The following DNAJC1 variants were observed in gnomAD, a reference collection of about 807,000 sequenced individuals.
DNAJC1 encodes dnaJ homolog subfamily C member 1.
Under a neutral mutation model 76.6 loss-of-function variants are expected in DNAJC1, and 58 were observed. The ratio of observed to expected loss-of-function variants is 0.76; its 90% CI spans 0.61 to 0.94. The LOEUF (loss-of-function observed/expected upper bound fraction) is 0.94, where lower values mean the gene tolerates loss of function less well. Among genes scored for constraint, DNAJC1 ranks in the 40% least tolerant of loss-of-function variants. DNAJC1 has a pLI of 0.00. For synonymous variants in DNAJC1, 258 were observed against 267.9 expected, an observed-to-expected ratio of 0.96 and a Z score of 0.36; for missense variants, 689 against 677.3, an observed-to-expected ratio of 1.02 and a Z score of -0.19.
chr10:21,763,967 T>C (rs1214434922), intron 10 of DNAJC1, among the ~76,000 whole-genome samples: 1 of 152,194 alleles, frequency 6.6e-6, no homozygotes. Flanking sequence ...TAAGTCGGAA[T>C]ATCAAAGATG....
intron 8 of DNAJC1, among the ~76,000 whole-genome samples, chr10:21,877,766 C>G (rs567267465): frequency 1.2e-4 from 18 of 152,082 alleles, no homozygotes; most frequent in Non-Finnish European, 2.6e-4. Context: ...GTACAGCTGA[C>G]CCTTGAACAA....
chr10:21,958,477 G>A (rs1296962292), intron 1 of DNAJC1, among the ~76,000 whole-genome samples: 2 of 150,068 alleles, frequency 1.3e-5, no homozygotes, highest in African/African-American at 4.9e-5. Flanking sequence ...TGCCCAGGCT[G>A]GAGTGCAGTG....
chr10:21,926,614 C>T (rs760766456), intron 3 of DNAJC1, among the ~76,000 whole-genome samples: 8 of 152,088 alleles, frequency 5.3e-5, no homozygotes, highest in Admixed American at 3.3e-4. Context: ...GCAGAGATGT[C>T]TGTCTCCTGT....
chr10:21,882,801 A>G (rs991120819), intron 7 of DNAJC1, among the ~76,000 whole-genome samples: 2 of 152,208 alleles, frequency 1.3e-5, no homozygotes, highest in African/African-American at 4.8e-5. Context: ...ATAAATTAAC[A>G]CTTAGAACAG....
chr10:21,950,343 AT>A (rs989264740), intron 1 of DNAJC1, among the ~76,000 whole-genome samples: 1 of 152,154 alleles, frequency 6.6e-6, no homozygotes, highest in African/African-American at 2.4e-5. Flanking sequence ...CATTGTAATT[AT>A]TTTGGGGAGT....
intron 11 of DNAJC1, among the ~76,000 whole-genome samples, chr10:21,758,626 C>A (rs1043187831): frequency 1.3e-5 from 2 of 152,278 alleles, no homozygotes; most frequent in African/African-American, 4.8e-5. Flanking sequence ...CTCAGGGCCT[C>A]TGGACAGCCA....
At chr10:21,818,600 G>A (rs946038844) in intron 8 of DNAJC1, among the ~76,000 whole-genome samples, 1 of 152,024 alleles carries the variant, frequency 6.6e-6, no homozygotes, top group South Asian at 2.1e-4. Context: ...GGAAACTGCC[G>A]ACATGTGATG....
intron 8 of DNAJC1, among the ~76,000 whole-genome samples, chr10:21,810,670 A>G (rs1789960554): frequency 6.6e-6 from 1 of 152,132 alleles, no homozygotes; most frequent in Non-Finnish European, 1.5e-5. Flanking sequence ...GCCTTTAATG[A>G]TTAAAACCCA....
At chr10:21,837,457 G>C (rs1465487560) in intron 8 of DNAJC1, among the ~76,000 whole-genome samples, 1 of 150,598 alleles carries the variant, frequency 6.6e-6, no homozygotes, top group Non-Finnish European at 1.5e-5. Context: ...ATCCCGTCTA[G>C]GAAGTGAGGA....
intron 1 of DNAJC1, among the ~76,000 whole-genome samples, chr10:21,975,454 G>A (rs1332637342): frequency 2.6e-5 from 4 of 152,118 alleles, no homozygotes; most frequent in African/African-American, 9.7e-5. Context: ...GGAAGAAAAG[G>A]CCTAACAACT....
At chr10:22,002,309 C>CT (rs1838531160) in intron 1 of DNAJC1, among the ~76,000 whole-genome samples, 1 of 152,182 alleles carries the variant, frequency 6.6e-6, no homozygotes, top group South Asian at 2.1e-4. Context: ...CCCCATAAGC[C>CT]TGAAATCAGC....
intron 1 of DNAJC1, among the ~76,000 whole-genome samples, chr10:21,997,284 G>A (rs1375356926): frequency 1.3e-5 from 2 of 152,092 alleles, no homozygotes; most frequent in African/African-American, 2.4e-5. Context: ...CACAGGAGTC[G>A]GGCAGACAAG....
At chr10:21,807,910 A>G (rs1259930473) in intron 8 of DNAJC1, among the ~76,000 whole-genome samples, 1 of 152,210 alleles carries the variant, frequency 6.6e-6, no homozygotes, top group East Asian at 1.9e-4. Context: ...TTTAAGGAAA[A>G]AAGAATTATT....
chr10:21,845,820 TACA>T (rs1366008663), intron 8 of DNAJC1, among the ~76,000 whole-genome samples: 1 of 152,158 alleles, frequency 6.6e-6, no homozygotes, highest in Non-Finnish European at 1.5e-5. Context: ...ACATAAAATA[TACA>T]ACAATATGAA....
chr10:21,935,444 AG>A (rs1358474399), intron 1 of DNAJC1, among the ~76,000 whole-genome samples: 1 of 152,178 alleles, frequency 6.6e-6, no homozygotes, highest in African/African-American at 2.4e-5. Context: ...GGGAGCAGAA[AG>A]GAAAAAAATG....
At position 21,766,333 on chromosome 10, in the gene DNAJC1, A is replaced by C. The variant is rs746913644; in HGVS notation, c.1099-24T>G. On this transcript the variant is annotated intron_variant, in intron 9 of 11. Coordinates refer to ENST00000376980, the MANE Select transcript of DNAJC1 (RefSeq NM_022365.4). ...ACCTGTTTCAAAACATAAAAGCAAA[A>C]ATCTTACTTTCCATGTACCTACTAT... is the stretch of plus-strand genomic sequence containing the variant. The C allele has an allele frequency of 3.1e-6, 5 of 1,605,220 alleles. No individual in the cohort carries two copies. The South Asian group carries it at 5.5e-5, about 18-fold the overall frequency.
chr10:21,770,755 T>C (rs1209274430), intron 9 of DNAJC1, among the ~76,000 whole-genome samples: 3 of 152,222 alleles, frequency 2.0e-5, no homozygotes, highest in Non-Finnish European at 4.4e-5. Context: ...AGACATAAGA[T>C]GTGCAAATAA....
rs371313530 is a variant in DNAJC1 at position 21,935,854 on chromosome 10, C to G, written c.223-6713G>C. Among the ~76,000 whole-genome samples the G allele has an allele frequency of 1.2e-3, 179 of 152,018 alleles. 4 individuals carry two copies. In the South Asian group the frequency reaches 0.035, roughly 30 times the overall value. On this transcript the variant is annotated intron_variant, in intron 1 of 11. Transcript: ENST00000376980. ...AATCTATCAACCAAGAAGTCTATATCCAACAAAACTATCCCTCAAAAACAA... is the reference window on the plus strand; with the variant it reads ...AATCTATCAACCAAGAAGTCTATATGCAACAAAACTATCCCTCAAAAACAA...
At position 21,824,156 on chromosome 10, in the gene DNAJC1, A is replaced by G. The variant is rs567563955; in HGVS notation, c.979-18057T>C. On this transcript the variant is annotated intron_variant, in intron 8 of 11. Transcript: ENST00000376980. Reference sequence around the variant, plus strand: ...CTGAGAGGGGCAGGAATTTACCACTAAACAGTTCTTCTGGCATGTAACCAT... The same window carrying G: ...CTGAGAGGGGCAGGAATTTACCACTGAACAGTTCTTCTGGCATGTAACCAT... 3.3e-5 allele frequency among the ~76,000 whole-genome samples: 5 copies of G among 152,352 alleles called. No homozygotes were observed. The South Asian group carries it at 8.3e-4, about 25-fold the overall frequency.
Sources: gnomAD v4.1 joint callset for allele counts (sites outside exome capture counted in the v4.1 genomes callset) on GRCh38, gnomAD v4.1.1 for gene constraint, MANE v1.5 for transcripts, NCBI Gene and HGNC (gene_info 2026-07-23, HGNC 2026-07-21) for gene names.